Variants in ARB2A observed in about 807,000 individuals in gnomAD.
ARB2A encodes ARB2 cotranscriptional regulator A.
At chr5:93,948,183 T>C in the ARB2A span, among the ~76,000 whole-genome samples, 1 of 152,220 alleles carries the variant, frequency 6.6e-6, no homozygotes, top group Admixed American at 6.5e-5. Context: ...TGTTGTTTCC[T>C]GACTTTTTAA....
the ARB2A span, among the ~76,000 whole-genome samples, chr5:93,975,467 G>A: frequency 2.0e-5 from 3 of 151,896 alleles, no homozygotes; most frequent in African/African-American, 7.3e-5. Context: ...AAATGAAATT[G>A]AGAACCCAAA....
At chr5:93,681,587 G>A in the ARB2A span, among the ~76,000 whole-genome samples, 3 of 152,006 alleles carry the variant, frequency 2.0e-5, no homozygotes, top group African/African-American at 7.3e-5. Flanking sequence ...CAACAAATTA[G>A]CACAGTATGC....
At chr5:93,906,180 T>TA in the ARB2A span, among the ~76,000 whole-genome samples, 1 of 151,526 alleles carries the variant, frequency 6.6e-6, no homozygotes, top group African/African-American at 2.4e-5. Context: ...ATCAAAAACA[T>TA]AGATTACAAA....
the ARB2A span, among the ~76,000 whole-genome samples, chr5:94,061,478 T>C: frequency 7.9e-5 from 12 of 151,938 alleles, no homozygotes; most frequent in Admixed American, 7.2e-4. Flanking sequence ...CAAAGAAAAA[T>C]AAAAGGCACA....
At chr5:93,849,197 G>A in the ARB2A span, among the ~76,000 whole-genome samples, 1 of 152,102 alleles carries the variant, frequency 6.6e-6, no homozygotes, top group South Asian at 2.1e-4. Context: ...AACCTTGGGG[G>A]TCTTAGGATA....
the ARB2A span, among the ~76,000 whole-genome samples, chr5:93,746,899 C>T: frequency 1.3e-5 from 2 of 152,156 alleles, no homozygotes; most frequent in Non-Finnish European, 2.9e-5. Context: ...CAGAGATAGA[C>T]AAAGTTTAAA....
chr5:93,708,841 G>T, the ARB2A span, among the ~76,000 whole-genome samples: 1 of 152,094 alleles, frequency 6.6e-6, no homozygotes, highest in Non-Finnish European at 1.5e-5. Context: ...AAGCACTTGT[G>T]TGTAACCCTC....
At chr5:93,983,393 A>G in the ARB2A span, among the ~76,000 whole-genome samples, 1 of 152,180 alleles carries the variant, frequency 6.6e-6, no homozygotes. Context: ...AGAACACAGA[A>G]ATCTGCCTGA....
chr5:93,959,919 C>A, the ARB2A span, among the ~76,000 whole-genome samples: 1 of 151,960 alleles, frequency 6.6e-6, no homozygotes, highest in African/African-American at 2.4e-5. Flanking sequence ...GAAATGGAAG[C>A]CTTTCAATAG....
At chr5:93,852,043 G>C in the ARB2A span, among the ~76,000 whole-genome samples, 18 of 152,246 alleles carry the variant, frequency 1.2e-4, no homozygotes, top group South Asian at 3.7e-3. Context: ...ACTTCCACAA[G>C]GGTTGAACCA....
the ARB2A span, among the ~76,000 whole-genome samples, chr5:93,855,248 A>G: frequency 2.0e-5 from 3 of 152,136 alleles, no homozygotes; most frequent in African/African-American, 7.2e-5. Flanking sequence ...TAGTTGGTTT[A>G]AAGTCTGTTT....
At chr5:93,709,650 A>C in the ARB2A span, among the ~76,000 whole-genome samples, 1 of 149,902 alleles carries the variant, frequency 6.7e-6, no homozygotes, top group South Asian at 2.1e-4. Flanking sequence ...AAAAAAAAAA[A>C]AAAAAAACCA....
At chr5:94,027,224 A>C in the ARB2A span, among the ~76,000 whole-genome samples, 1 of 152,318 alleles carries the variant, frequency 6.6e-6, no homozygotes, top group Admixed American at 6.5e-5. Flanking sequence ...TGAACTATAT[A>C]TTTGGTCTTC....
chr5:93,704,427 T>C, the ARB2A span, among the ~76,000 whole-genome samples: 3 of 152,126 alleles, frequency 2.0e-5, no homozygotes, highest in African/African-American at 7.2e-5. Flanking sequence ...AGTTGGGCCT[T>C]GTGGCATGCA....
At chr5:93,652,390 C>T in the ARB2A span, among the ~76,000 whole-genome samples, 21 of 152,140 alleles carry the variant, frequency 1.4e-4, no homozygotes, top group South Asian at 4.3e-3. Flanking sequence ...AAAATAAACT[C>T]AATCCTCTAT....
chr5:93,854,909 C>G, the ARB2A span, among the ~76,000 whole-genome samples: 1 of 151,984 alleles, frequency 6.6e-6, no homozygotes, highest in African/African-American at 2.4e-5. Flanking sequence ...AGGCATGCTG[C>G]AGTGCTGAAA....
the ARB2A span, among the ~76,000 whole-genome samples, chr5:93,967,321 T>C: frequency 1.3e-5 from 2 of 152,130 alleles, no homozygotes; most frequent in African/African-American, 4.8e-5. Flanking sequence ...GTCTGATGTA[T>C]ATAGAGCTTG....
At chr5:93,680,283 AT>A in the ARB2A span, among the ~76,000 whole-genome samples, 1 of 152,254 alleles carries the variant, frequency 6.6e-6, no homozygotes, top group Non-Finnish European at 1.5e-5. Context: ...ATAAGAATAT[AT>A]TTCCAATGTA....
the ARB2A span, among the ~76,000 whole-genome samples, chr5:94,085,546 A>G: frequency 6.6e-6 from 1 of 152,170 alleles, no homozygotes; most frequent in Non-Finnish European, 1.5e-5. Context: ...GGCTTTCTCA[A>G]GAAAGATAGA....
Sources: allele counts gnomAD v4.1 joint callset (sites outside exome capture counted in the v4.1 genomes callset), GRCh38; gene constraint gnomAD v4.1.1; transcripts MANE v1.5; gene names NCBI Gene and HGNC (gene_info 2026-07-23, HGNC 2026-07-21).